Variants in OPA3 observed in about 807,000 individuals in gnomAD.
The protein encoded by OPA3 is optic atrophy 3 protein.
A neutral mutation model predicts 4.0 loss-of-function variants in OPA3; 6 were observed. That is an observed-to-expected ratio of 1.51 (90% confidence interval 0.83 to 2.99). The LOEUF is 2.99. Ranked by LOEUF, OPA3 falls within the 30% of genes most tolerant of loss-of-function variation. The pLI is 0.00. For synonymous variants in OPA3, 105 were observed against 117.1 expected (o/e 0.90, Z 0.67); for missense variants, 235 against 256.2 (o/e 0.92, Z 0.56).
intron 1 of OPA3, among the ~76,000 whole-genome samples, chr19:45,578,217 G>A (rs1161988396): frequency 1.3e-5 from 2 of 152,120 alleles, no homozygotes; most frequent in East Asian, 3.8e-4. Flanking sequence ...GCCTTTGTAG[G>A]ACTAACATTA....
Position 45,529,962 on chromosome 19 carries a change from G to C in OPA3, c.143-506C>G, listed in dbSNP as rs1969041329. Among the ~76,000 whole-genome samples the C allele has an allele frequency of 2.6e-5, 4 of 152,148 alleles. No individual in the cohort carries two copies. In the South Asian group the frequency reaches 6.2e-4, roughly 24 times the overall value. Reference sequence around the variant, plus strand: ...TTGCCCAGGCTGGTCTCGAACTCCTGGGCTCAAGCGACCCTCCTGCCAAAG... The same window carrying C: ...TTGCCCAGGCTGGTCTCGAACTCCTCGGCTCAAGCGACCCTCCTGCCAAAG... On this transcript the variant is annotated intron_variant, in intron 1 of 1. Transcript: ENST00000323060.
intron 1 of OPA3, among the ~76,000 whole-genome samples, chr19:45,559,384 CCT>C (rs1969468923): frequency 7.1e-6 from 1 of 140,294 alleles, no homozygotes; most frequent in South Asian, 2.2e-4. Context: ...CTCTTCTTTC[CCT>C]CTTTTTCTTT....
At chr19:45,529,337 T>C (rs909917563) in exon 2 of OPA3, 3 of 1,614,064 alleles carry the variant, frequency 1.9e-6, no homozygotes, top group East Asian at 2.2e-5. Context: ...ATGAAGATGA[T>C]GCCCTCGCCC....
Position 45,549,140 on chromosome 19 carries a change from A to C in OPA3, c.*4374T>G, listed in dbSNP as rs184015981. 3 of 985,326 alleles carry C rather than the reference A, an allele frequency of 3.0e-6. No individual in the cohort carries two copies. The East Asian group carries it at 3.4e-4, about 112-fold the overall frequency. The allele number at this position is 985,326 out of a possible 1,614,324, so 61.0% of individuals were successfully genotyped here. A position where few individuals can be genotyped will look rare whatever the true frequency, so the allele number is the denominator to read the frequency against. On this transcript the variant is annotated 3_prime_UTR_variant, in exon 2 of 2. Transcript: ENST00000263275. ...TTTAAATATGAAAAAAGAATGCATC[A>C]ACTTGAAGATAATCAGCTTCATTTA...
intron 1 of OPA3, among the ~76,000 whole-genome samples, chr19:45,581,944 G>A (rs949485936): frequency 1.3e-5 from 2 of 152,020 alleles, no homozygotes; most frequent in African/African-American, 2.4e-5. Flanking sequence ...GATTACAGAT[G>A]TGCGCCACCA....
Position 45,551,018 on chromosome 19 carries a change from T to C in OPA3, c.*2496A>G. ...CTCTGTCATCCAGGCTGGAGTGTAG[T>C]GGCGCGATCACGGCTCGCTGCAGCC... On this transcript the variant is annotated 3_prime_UTR_variant, in exon 2 of 2. Coordinates refer to ENST00000263275, the MANE Select transcript of OPA3 (RefSeq NM_025136.4). 5 of 934,810 alleles carry C rather than the reference T, an allele frequency of 5.3e-6. No homozygotes were observed. Among genetic ancestry groups the C allele is most frequent in the Non-Finnish European group, 5.1e-6 (4 of 783,870 alleles). 57.9% of individuals were successfully genotyped at this position (934,810 alleles called of 1,614,324 possible).
chr19:45,582,058 A>C (rs1049402788), intron 1 of OPA3, among the ~76,000 whole-genome samples: 1 of 151,916 alleles, frequency 6.6e-6, no homozygotes, highest in Non-Finnish European at 1.5e-5. Context: ...CGGCCTCCCA[A>C]AGTGCTGGAA....
At position 45,549,388 on chromosome 19, in the gene OPA3, T is replaced by C. The variant is rs2122421072; in HGVS notation, c.*4126A>G. The C allele has an allele frequency of 1.0e-6, 1 of 984,768 alleles. No individual in the cohort carries two copies. The highest frequency in any genetic ancestry group is 4.7e-5 in the South Asian group (1 of 21,266). The allele number at this position is 984,768 out of a possible 1,614,324, so 61.0% of individuals were successfully genotyped here. On this transcript the variant is annotated 3_prime_UTR_variant, in exon 2 of 2. Coordinates refer to ENST00000263275, the MANE Select transcript of OPA3 (RefSeq NM_025136.4). ...CAGGGCAGGGCAGGGCAGGGCTGAG[T>C]GCGAAGTCTCTGAGATGTGAGAGCA...
downstream of OPA3, among the ~76,000 whole-genome samples, chr19:45,544,363 A>G (rs1969219729): frequency 6.6e-6 from 1 of 152,246 alleles, no homozygotes; most frequent in Admixed American, 6.5e-5. Context: ...TTCAGCCATA[A>G]AAAGGGATGA....
chr19:45,582,710 C>T (rs1197417190), intron 1 of OPA3, among the ~76,000 whole-genome samples: 1 of 152,012 alleles, frequency 6.6e-6, no homozygotes, highest in African/African-American at 2.4e-5. Flanking sequence ...GTTTATTGAT[C>T]TGGGTAAGGC....
intron 1 of OPA3, among the ~76,000 whole-genome samples, chr19:45,559,284 T>C (rs1969466621): frequency 6.6e-6 from 1 of 152,106 alleles, no homozygotes; most frequent in Admixed American, 6.6e-5. Context: ...ATAAAATGAG[T>C]AAGTCAGTAT....
intron 1 of OPA3, chr19:45,584,317 C>T (rs1185314971): frequency 6.1e-6 from 6 of 984,134 alleles, no homozygotes; most frequent in African/African-American, 5.2e-5. Context: ...TGGAAAGCCC[C>T]GTCCAAATTT....
chr19:45,580,341 T>G (rs1241568038), intron 1 of OPA3, among the ~76,000 whole-genome samples: 3 of 144,666 alleles, frequency 2.1e-5, no homozygotes, highest in Admixed American at 1.4e-4. Context: ...TTGCCCAGGC[T>G]GGAGTGCAAT....
rs533061696 is a variant in OPA3, at chr19:45,547,038, G to C, written c.*6476C>G. 1 of 152,386 alleles carries C rather than the reference G, an allele frequency of 6.6e-6. No homozygotes were observed. The highest frequency in any genetic ancestry group is 6.6e-5 in the Admixed American group (1 of 15,258). The allele number at this position is 152,386 out of a possible 1,614,324, so 9.4% of individuals were successfully genotyped here. A position where few individuals can be genotyped will look rare whatever the true frequency, so the allele number is the denominator to read the frequency against. ...GGAGGTTCTGAGATCTGCGCGCAGTGGGGGTTACTGCTGAGCACTGGGGTC... is the reference window on the plus strand; with the variant it reads ...GGAGGTTCTGAGATCTGCGCGCAGTCGGGGTTACTGCTGAGCACTGGGGTC... On this transcript the variant is annotated 3_prime_UTR_variant, in exon 2 of 2. Transcript: ENST00000263275.
intron 1 of OPA3, among the ~76,000 whole-genome samples, chr19:45,529,832 G>C (rs375425095): frequency 7.9e-5 from 12 of 152,252 alleles, no homozygotes; most frequent in African/African-American, 2.4e-4. Flanking sequence ...CTGGGCTCAA[G>C]CGATCCTCCT....
chr19:45,580,153 C>A (rs11083773), intron 1 of OPA3, among the ~76,000 whole-genome samples: 1 of 150,432 alleles, frequency 6.6e-6, no homozygotes, highest in Admixed American at 6.6e-5. Flanking sequence ...CGTGCCACCA[C>A]GCCCAGCTAA....
At position 45,570,185 on chromosome 19, in the gene OPA3, C is replaced by T. The variant is rs181451259; in HGVS notation, c.142+14438G>A. On this transcript the variant is annotated intron_variant, in intron 1 of 1. Transcript: ENST00000263275. ...AATCAGCCAGCCCTCTACACAGGGGCTTCTGAAAAAGATCCCTGTTCAGAA... is the reference window on the plus strand; with the variant it reads ...AATCAGCCAGCCCTCTACACAGGGGTTTCTGAAAAAGATCCCTGTTCAGAA... Among the ~76,000 whole-genome samples, 4 of 152,282 alleles carry T rather than the reference C, an allele frequency of 2.6e-5. No homozygotes were observed. In the East Asian group the frequency reaches 7.7e-4, roughly 29 times the overall value.
rs1471227054 is a variant in OPA3 at position 45,572,330 on chromosome 19, GAT to G, written c.142+12291_142+12292del. ...TATCGACATATATGAGATATATATC[GAT>G]ATATATCTCATATATATCGACATAT... On this transcript the variant is annotated intron_variant, in intron 1 of 1. Coordinates refer to ENST00000263275, the MANE Select transcript of OPA3 (RefSeq NM_025136.4). Among the ~76,000 whole-genome samples, 6 of 121,776 alleles carry G rather than the reference GAT, an allele frequency of 4.9e-5. No homozygotes were observed. In the East Asian group the frequency reaches 7.0e-4, roughly 14 times the overall value. The allele number at this position is 121,776 out of a possible 152,430, so 79.9% of individuals were successfully genotyped here.
intron 1 of OPA3, among the ~76,000 whole-genome samples, chr19:45,560,351 T>C (rs535822190): frequency 1.4e-3 from 212 of 152,318 alleles, no homozygotes; most frequent in African/African-American, 4.9e-3. Context: ...GTGAGGCCGA[T>C]GCAGGCAGGA....
Sources: gnomAD v4.1 joint callset for allele counts (sites outside exome capture counted in the v4.1 genomes callset) on GRCh38, gnomAD v4.1.1 for gene constraint, MANE v1.5 for transcripts, NCBI Gene and HGNC (gene_info 2026-07-23, HGNC 2026-07-21) for gene names.